Variants in CSMD1 observed in about 807,000 individuals in gnomAD.
The protein encoded by CSMD1 is CUB and Sushi multiple domains 1, also known as CUB and sushi domain-containing protein 1.
A neutral mutation model predicts 417.5 loss-of-function variants in CSMD1; 213 were observed. The ratio of observed to expected loss-of-function variants is 0.51; its 90% CI spans 0.46 to 0.57. The LOEUF (loss-of-function observed/expected upper bound fraction) is 0.57, where lower values mean the gene tolerates loss of function less well. CSMD1 is among the 20% of genes least tolerant of loss of function. CSMD1 has a pLI of 0.00. For missense variants in CSMD1, 6,923 were observed against 4,529.7 expected (o/e 1.53, Z -15.17); for synonymous variants, 2,862 against 1,736.8 (o/e 1.65, Z -16.11).
At chr8:3,972,362 G>A (rs898968473) in intron 5 of CSMD1, among the ~76,000 whole-genome samples, 12 of 152,144 alleles carry the variant, frequency 7.9e-5, no homozygotes, top group African/African-American at 2.9e-4. Context: ...TTTAATTTTT[G>A]CTAAAGCTCT....
intron 1 of CSMD1, among the ~76,000 whole-genome samples, chr8:4,917,286 C>T (rs557003176): frequency 5.5e-4 from 83 of 152,256 alleles, no homozygotes; most frequent in Middle Eastern, 3.4e-3. Context: ...ACCACCCCCA[C>T]GATCCAATCA....
At chr8:3,221,529 A>AAAACAAAC (rs35213930) in intron 28 of CSMD1, among the ~76,000 whole-genome samples, 14,767 of 150,224 alleles carry the variant, frequency 0.098, 833 homozygotes, top group East Asian at 0.18. Context: ...CAGACACAGG[A>AAAACAAAC]AAACAAACAA....
intron 12 of CSMD1, among the ~76,000 whole-genome samples, chr8:3,458,035 T>C (rs1550895): frequency 0.63 from 96,546 of 152,066 alleles, 30,862 homozygotes; most frequent in East Asian, 0.74. Context: ...AGAACTTTCA[T>C]TCTTACCTGA....
At chr8:3,108,220 G>C (rs80096318) in intron 44 of CSMD1, among the ~76,000 whole-genome samples, 1,565 of 152,238 alleles carry the variant, frequency 0.01, 32 homozygotes, top group African/African-American at 0.036. Context: ...TCTACATATC[G>C]TTTAGAGTGC....
chr8:4,731,223 C>T (rs1186222888), intron 1 of CSMD1, among the ~76,000 whole-genome samples: 4 of 152,140 alleles, frequency 2.6e-5, no homozygotes, highest in African/African-American at 9.7e-5. Flanking sequence ...CAGTCCTTTC[C>T]CACTCAGCCT....
intron 3 of CSMD1, among the ~76,000 whole-genome samples, chr8:4,062,601 T>C (rs575529808): frequency 3.3e-5 from 5 of 152,200 alleles, no homozygotes; most frequent in Admixed American, 6.5e-5. Flanking sequence ...GTCCCAGATC[T>C]GATCTTAAAG....
chr8:3,057,725 G>A (rs1433274695), intron 49 of CSMD1, among the ~76,000 whole-genome samples: 1 of 152,076 alleles, frequency 6.6e-6, no homozygotes, highest in South Asian at 2.1e-4. Flanking sequence ...GCCTCAAAAC[G>A]GTTCTGCTGA....
At chr8:4,031,785 C>G (rs771804542) in intron 4 of CSMD1, 120 bp downstream of exon 4, 30 of 681,796 alleles carry the variant, frequency 4.4e-5, no homozygotes, top group Middle Eastern at 4.3e-4. Context: ...AATGAGCTGA[C>G]ATTGTAAGAG....
At chr8:4,283,190 A>G (rs1796885164) in intron 3 of CSMD1, among the ~76,000 whole-genome samples, 1 of 152,202 alleles carries the variant, frequency 6.6e-6, no homozygotes, top group African/African-American at 2.4e-5. Flanking sequence ...CAACATTTAA[A>G]AATTATATAT....
At chr8:4,342,191 C>T (rs1006809655) in intron 3 of CSMD1, among the ~76,000 whole-genome samples, 1 of 147,114 alleles carries the variant, frequency 6.8e-6, no homozygotes, top group Non-Finnish European at 1.5e-5. Context: ...GCAAACTTGG[C>T]AGCAGTGCTG....
At chr8:3,391,059 G>C (rs1021224076) in intron 17 of CSMD1, among the ~76,000 whole-genome samples, 1 of 152,160 alleles carries the variant, frequency 6.6e-6, no homozygotes, top group Non-Finnish European at 1.5e-5. Context: ...GTGTGCCTGT[G>C]AGTGTTAGCA....
At chr8:3,600,313 C>A (rs1171820366) in intron 8 of CSMD1, among the ~76,000 whole-genome samples, 1 of 152,120 alleles carries the variant, frequency 6.6e-6, no homozygotes, top group Non-Finnish European at 1.5e-5. Flanking sequence ...GCATTTAATG[C>A]TGTTGAAGGG....
At chr8:4,547,110 T>C (rs186957940) in intron 2 of CSMD1, among the ~76,000 whole-genome samples, 1 of 152,326 alleles carries the variant, frequency 6.6e-6, no homozygotes, top group East Asian at 1.9e-4. Context: ...ATTCAATATA[T>C]GCATCCCCCA....
chr8:4,774,302 G>C (rs1796738311), intron 1 of CSMD1, among the ~76,000 whole-genome samples: 1 of 152,170 alleles, frequency 6.6e-6, no homozygotes, highest in Non-Finnish European at 1.5e-5. Flanking sequence ...TTACTTTCCT[G>C]AGCAAGTTAT....
intron 3 of CSMD1, among the ~76,000 whole-genome samples, chr8:4,102,104 T>C (rs753536536): frequency 3.9e-5 from 6 of 152,168 alleles, no homozygotes; most frequent in Non-Finnish European, 5.9e-5. Flanking sequence ...GTAATGCTCA[T>C]TGAAACAAAT....
At chr8:3,785,537 C>G (rs572890419) in intron 5 of CSMD1, among the ~76,000 whole-genome samples, 24 of 152,344 alleles carry the variant, frequency 1.6e-4, no homozygotes, top group African/African-American at 5.8e-4. Context: ...CTTCCACAAA[C>G]ACAATCAGGG....
chr8:4,427,933 T>A (rs1351723805), intron 2 of CSMD1, among the ~76,000 whole-genome samples: 2 of 152,190 alleles, frequency 1.3e-5, no homozygotes, highest in Non-Finnish European at 2.9e-5. Flanking sequence ...AGGCACTTTA[T>A]TTAAAGTTAT....
chr8:4,365,369 C>T (rs1260492102), intron 3 of CSMD1, among the ~76,000 whole-genome samples: 4 of 152,076 alleles, frequency 2.6e-5, no homozygotes, highest in Non-Finnish European at 5.9e-5. Flanking sequence ...ATCATTTTTT[C>T]ACATTTCTGT....
intron 49 of CSMD1, among the ~76,000 whole-genome samples, chr8:3,066,441 G>C (rs903174251): frequency 6.6e-6 from 1 of 152,184 alleles, no homozygotes; most frequent in African/African-American, 2.4e-5. Context: ...TTACGCATTT[G>C]AACAGACCCT....
Sources: allele counts gnomAD v4.1 joint callset (sites outside exome capture counted in the v4.1 genomes callset), GRCh38; gene constraint gnomAD v4.1.1; transcripts MANE v1.5; gene names NCBI Gene and HGNC (gene_info 2026-07-23, HGNC 2026-07-21).